The following CAMKMT variants were observed in gnomAD, a reference collection of about 807,000 sequenced individuals.
The protein encoded by CAMKMT is calmodulin-lysine N-methyltransferase, also known as CaM KMT.
Under a neutral mutation model 48.0 loss-of-function variants are expected in CAMKMT, and 53 were observed. The ratio of observed to expected loss-of-function variants is 1.10; its 90% confidence interval spans 0.89 to 1.39. CAMKMT has a LOEUF of 1.39. Among genes scored for constraint, CAMKMT ranks in the 40% most tolerant of loss-of-function variants. CAMKMT has a pLI of 0.00. For synonymous variants in CAMKMT, 165 were observed against 152.3 expected (o/e 1.08, Z -0.61); for missense variants, 428 against 402.7 (o/e 1.06, Z -0.54).
At chr2:44,603,297 G>A (rs539938620) in intron 3 of CAMKMT, among the ~76,000 whole-genome samples, 2 of 151,980 alleles carry the variant, frequency 1.3e-5, no homozygotes, top group Non-Finnish European at 2.9e-5. Context: ...CACCATGTTG[G>A]CCAGGCTGGT....
chr2:44,658,741 CTTGTAACAGATAACTCTAA>C (rs1423017730), intron 3 of CAMKMT, among the ~76,000 whole-genome samples: 1 of 152,156 alleles, frequency 6.6e-6, no homozygotes, highest in Non-Finnish European at 1.5e-5. Context: ...TGAAGAGAGT[CTTGTAACAGATAACTCTAA>C]TTGTCTTCAG....
intron 3 of CAMKMT, among the ~76,000 whole-genome samples, chr2:44,628,102 G>A (rs565506770): frequency 5.9e-5 from 9 of 151,796 alleles, no homozygotes; most frequent in East Asian, 3.9e-4. Context: ...ACATTCCACC[G>A]TGCATGGCTA....
intron 3 of CAMKMT, among the ~76,000 whole-genome samples, chr2:44,539,316 C>T (rs1325062907): frequency 6.7e-6 from 1 of 149,730 alleles, no homozygotes; most frequent in Non-Finnish European, 1.5e-5. Context: ...AAAAACTTCT[C>T]TATATCTCTT....
At chr2:44,530,944 A>G (rs1227478554) in intron 3 of CAMKMT, among the ~76,000 whole-genome samples, 1 of 152,026 alleles carries the variant, frequency 6.6e-6, no homozygotes, top group African/African-American at 2.4e-5. Context: ...AAGGAACAAG[A>G]TATGATGACA....
chr2:44,749,663 A>G (rs952638986), intron 8 of CAMKMT, among the ~76,000 whole-genome samples: 2 of 152,212 alleles, frequency 1.3e-5, no homozygotes, highest in African/African-American at 4.8e-5. Context: ...ATTGACAAGG[A>G]AACTGAGGCT....
chr2:44,648,588 G>A (rs1466086179), intron 3 of CAMKMT, among the ~76,000 whole-genome samples: 4 of 152,192 alleles, frequency 2.6e-5, no homozygotes, highest in Admixed American at 2.0e-4. Context: ...TATAAGAAAT[G>A]TAAAATCCTT....
intron 3 of CAMKMT, among the ~76,000 whole-genome samples, chr2:44,472,403 A>G (rs1476440405): frequency 6.6e-6 from 1 of 152,244 alleles, no homozygotes; most frequent in Non-Finnish European, 1.5e-5. Flanking sequence ...AGTACATACC[A>G]TAGTAGTCAG....
intron 9 of CAMKMT, 60 bp downstream of exon 9, chr2:44,754,178 A>C: frequency 7.9e-7 from 1 of 1,269,044 alleles, no homozygotes; most frequent in South Asian, 1.2e-5. Flanking sequence ...CTGTGCACAA[A>C]GATGGAGAGA....
chr2:44,769,295 G>A (rs1015625060), intron 10 of CAMKMT, among the ~76,000 whole-genome samples: 1 of 152,120 alleles, frequency 6.6e-6, no homozygotes, highest in African/African-American at 2.4e-5. Context: ...GTGCCATTCC[G>A]CACTTTTCTG....
chr2:44,651,829 A>C (rs1674085395), intron 3 of CAMKMT, among the ~76,000 whole-genome samples: 1 of 152,220 alleles, frequency 6.6e-6, no homozygotes, highest in South Asian at 2.1e-4. Context: ...TTGCATGTTA[A>C]TGAAACCATT....
At chr2:44,586,147 T>C (rs1468586848) in intron 3 of CAMKMT, among the ~76,000 whole-genome samples, 1 of 152,234 alleles carries the variant, frequency 6.6e-6, no homozygotes, top group Admixed American at 6.5e-5. Flanking sequence ...GGCAGCCTTC[T>C]GCCCAAGGTG....
intron 3 of CAMKMT, among the ~76,000 whole-genome samples, chr2:44,682,371 A>G (rs1676071161): frequency 1.3e-5 from 2 of 152,148 alleles, no homozygotes; most frequent in Non-Finnish European, 2.9e-5. Flanking sequence ...TAATTTTTAT[A>G]TATGGTAAAA....
intron 3 of CAMKMT, among the ~76,000 whole-genome samples, chr2:44,403,165 G>A (rs1030939290): frequency 6.6e-6 from 1 of 152,098 alleles, no homozygotes; most frequent in African/African-American, 2.4e-5. Context: ...CCTTGAGCTG[G>A]CCAGTTTATC....
At chr2:44,520,226 A>C (rs1012374325) in intron 3 of CAMKMT, among the ~76,000 whole-genome samples, 4 of 152,028 alleles carry the variant, frequency 2.6e-5, no homozygotes, top group African/African-American at 9.7e-5. Context: ...CTCAAAAAAT[A>C]AATACATAAA....
At chr2:44,524,693 G>T (rs1261591070) in intron 3 of CAMKMT, among the ~76,000 whole-genome samples, 1 of 151,892 alleles carries the variant, frequency 6.6e-6, no homozygotes, top group Non-Finnish European at 1.5e-5. Context: ...ATATCCCTCT[G>T]TTAGCCTTTA....
chr2:44,388,599 C>T (rs933043313), intron 2 of CAMKMT, among the ~76,000 whole-genome samples: 8 of 152,108 alleles, frequency 5.3e-5, no homozygotes, highest in Admixed American at 1.3e-4. Flanking sequence ...GTCACATTAA[C>T]AGGGTTGTTT....
At chr2:44,579,802 T>C (rs1669446616) in intron 3 of CAMKMT, among the ~76,000 whole-genome samples, 1 of 152,218 alleles carries the variant, frequency 6.6e-6, no homozygotes, top group Non-Finnish European at 1.5e-5. Flanking sequence ...AGCTGGGGGA[T>C]GTATTTATGG....
intron 3 of CAMKMT, among the ~76,000 whole-genome samples, chr2:44,441,192 T>C (rs991349968): frequency 6.6e-6 from 1 of 152,238 alleles, no homozygotes; most frequent in Non-Finnish European, 1.5e-5. Flanking sequence ...AAGTCTTTTT[T>C]TCAGTTTGAG....
At chr2:44,683,822 CAA>C (rs10644183) in intron 3 of CAMKMT, among the ~76,000 whole-genome samples, 36 of 70,932 alleles carry the variant, frequency 5.1e-4, no homozygotes, top group African/African-American at 1.7e-3. Context: ...GACTCTGTCT[CAA>C]AAAAAAAAAA....
Sources: gnomAD v4.1 joint callset for allele counts (sites outside exome capture counted in the v4.1 genomes callset) on GRCh38, gnomAD v4.1.1 for gene constraint, MANE v1.5 for transcripts, NCBI Gene and HGNC (gene_info 2026-07-23, HGNC 2026-07-21) for gene names.